Variants in ZNF540 observed in about 807,000 individuals in gnomAD.
The protein encoded by ZNF540 is zinc finger protein 540, also known as CTD-3064H18.6.
In ZNF540, 3 loss-of-function variants were observed where a neutral mutation model predicts 11.8. The observed-to-expected ratio is 0.25, with a 90% CI of 0.12 to 0.65. The LOEUF is 0.65. ZNF540 is among the 30% of genes least tolerant of loss of function. The probability of loss-of-function intolerance (pLI) is 0.83; values close to 1 mark genes in which losing one functional copy is unlikely to be tolerated. For missense variants in ZNF540, 709 were observed against 793.1 expected (o/e 0.89, Z 1.27); for synonymous variants, 247 against 259.0 (o/e 0.95, Z 0.45).
rs542552560 is a variant in ZNF540, at chr19:37,588,886, T to C, written c.-72-9490T>C. On this transcript the variant is annotated intron_variant, in intron 1 of 4. Transcript: ENST00000592533. ...CACATACCCAAATTAACTCCAAATA[T>C]ATAAGATATCTAAATATTAAAAAAT... Among the ~76,000 whole-genome samples, 203 of 152,192 alleles carry C rather than the reference T, an allele frequency of 1.3e-3. 1 individual carries two copies. The highest frequency in any genetic ancestry group is 2.2e-3 in the Non-Finnish European group (153 of 68,014).
Position 37,598,289 on chromosome 19 carries a change from A to T in ZNF540, c.-72-87A>T, listed in dbSNP as rs977192795. On this transcript the variant is annotated intron_variant, in intron 1 of 4. Transcript: ENST00000316433. ...GGGAGGTATTTGCAAGCAACAGTGGAAAATAAAAGATTATTAATTTATATC... is the reference window on the plus strand; with the variant it reads ...GGGAGGTATTTGCAAGCAACAGTGGTAAATAAAAGATTATTAATTTATATC... The T allele has an allele frequency of 1.2e-5, 8 of 692,566 alleles. No individual in the cohort carries two copies. In the Admixed American group the frequency reaches 1.7e-4, roughly 14 times the overall value. 42.9% of individuals were successfully genotyped at this position (692,566 alleles called of 1,614,324 possible).
chr19:37,590,664 AAG>A (rs1270327447), upstream of ZNF540, among the ~76,000 whole-genome samples: 19 of 152,158 alleles, frequency 1.2e-4, no homozygotes, highest in Non-Finnish European at 4.4e-5. Flanking sequence ...GCAAACAAAA[AAG>A]CAAAATGTTA....
intron 1 of ZNF540, among the ~76,000 whole-genome samples, chr19:37,579,304 G>A (rs2043360958): frequency 6.6e-6 from 1 of 152,154 alleles, no homozygotes; most frequent in Non-Finnish European, 1.5e-5. Flanking sequence ...GGGGGAACTG[G>A]GGAACTACTT....
chr19:37,607,083 ATTAGT>A (rs545024860), intron 4 of ZNF540, among the ~76,000 whole-genome samples: 215 of 152,118 alleles, frequency 1.4e-3, no homozygotes, highest in Middle Eastern at 6.8e-3. Flanking sequence ...GCAATATTTT[ATTAGT>A]TTAGATACTA....
chr19:37,589,437 CAA>C (rs2043799329), intron 1 of ZNF540, among the ~76,000 whole-genome samples: 1 of 150,782 alleles, frequency 6.6e-6, no homozygotes. Context: ...CGAGGGAAAA[CAA>C]GAGAAAGACA....
intron 4 of ZNF540, among the ~76,000 whole-genome samples, chr19:37,606,833 G>A (rs1041458404): frequency 1.3e-5 from 2 of 152,092 alleles, no homozygotes; most frequent in East Asian, 1.9e-4. Context: ...CCCAGATTGC[G>A]GTACATGGCA....
intron 4 of ZNF540, among the ~76,000 whole-genome samples, chr19:37,610,145 G>T (rs536024100): frequency 2.0e-5 from 3 of 152,244 alleles, no homozygotes; most frequent in Non-Finnish European, 4.4e-5. Context: ...CTGTAATAAG[G>T]TGAGAGAGAT....
At chr19:37,604,239 G>A (rs928628719) in intron 4 of ZNF540, among the ~76,000 whole-genome samples, 2 of 144,264 alleles carry the variant, frequency 1.4e-5, no homozygotes, top group Non-Finnish European at 3.0e-5. Context: ...TTTTATTCTG[G>A]AATATACAGG....
intron 4 of ZNF540, 192 bp downstream of exon 4, chr19:37,601,297 G>C (rs745354307): frequency 2.2e-6 from 1 of 456,496 alleles, no homozygotes; most frequent in Non-Finnish European, 3.9e-6. Context: ...CCTCATCTTG[G>C]CTCCTACTTA....
intron 1 of ZNF540, among the ~76,000 whole-genome samples, chr19:37,577,161 G>A (rs1157638434): frequency 6.6e-6 from 1 of 151,990 alleles, no homozygotes; most frequent in Non-Finnish European, 1.5e-5. Flanking sequence ...AGAACAGAGA[G>A]CTTAATTGAA....
chr19:37,564,274 T>A (rs149119853), intron 1 of ZNF540: 65 of 190,166 alleles, frequency 3.4e-4, no homozygotes, highest in African/African-American at 1.5e-3. Flanking sequence ...GGGAATTATA[T>A]GTATTTAATT....
chr19:37,595,566 G>C (rs1381290122), intron 1 of ZNF540: 1 of 152,134 alleles, frequency 6.6e-6, no homozygotes, highest in Non-Finnish European at 1.5e-5. Flanking sequence ...AAGTGTGTGA[G>C]CATAATATGG....
intron 1 of ZNF540, among the ~76,000 whole-genome samples, chr19:37,559,451 C>T (rs2147140205): frequency 1.3e-5 from 2 of 152,272 alleles, no homozygotes; most frequent in South Asian, 4.1e-4. Context: ...AACCTGAATA[C>T]TCAGCTTATG....
chr19:37,574,364 A>C (rs2043172581), intron 1 of ZNF540, among the ~76,000 whole-genome samples: 1 of 152,180 alleles, frequency 6.6e-6, no homozygotes, highest in Non-Finnish European at 1.5e-5. Context: ...TCAAATCAAC[A>C]AAAACAGCCC....
At chr19:37,568,297 T>C (rs2042932477) in intron 1 of ZNF540, among the ~76,000 whole-genome samples, 1 of 147,658 alleles carries the variant, frequency 6.8e-6, no homozygotes, top group Non-Finnish European at 1.5e-5. Context: ...CAAAAAGAAA[T>C]GATAAAAACA....
chr19:37,584,232 T>C, intron 1 of ZNF540: 1 of 1,156,174 alleles, frequency 8.6e-7, no homozygotes, highest in Non-Finnish European at 1.2e-6. Flanking sequence ...ACAGTAGTAT[T>C]AACCTGATTC....
chr19:37,605,216 T>C (rs778066268), intron 4 of ZNF540, among the ~76,000 whole-genome samples: 1 of 152,116 alleles, frequency 6.6e-6, no homozygotes, highest in Non-Finnish European at 1.5e-5. Context: ...ATCCCGGCAC[T>C]TTGGGAGGCT....
At position 37,613,481 on chromosome 19, in the gene ZNF540, A is replaced by G. The variant is rs916743336; in HGVS notation, c.*218A>G. ...TGGAAAAGTGTTCTAGCAACAGCAT[A>G]TACTTATCATCATTGCCTTTCCACT... On this transcript the variant is annotated 3_prime_UTR_variant, in exon 5 of 5. Coordinates refer to ENST00000316433, the MANE Select transcript of ZNF540 (RefSeq NM_001172225.3). 9.4e-6 allele frequency: 4 copies of G among 426,728 alleles called. No homozygotes were observed. The highest frequency in any genetic ancestry group is 1.6e-5 in the Non-Finnish European group (4 of 243,306). The allele number at this position is 426,728 out of a possible 1,614,324, so 26.4% of individuals were successfully genotyped here.
chr19:37,580,803 A>G (rs950792896), intron 1 of ZNF540, among the ~76,000 whole-genome samples: 18 of 152,214 alleles, frequency 1.2e-4, no homozygotes, highest in African/African-American at 4.3e-4. Flanking sequence ...CCTCACCAGA[A>G]GCCAAACAGA....
Sources: gnomAD v4.1 joint callset for allele counts (sites outside exome capture counted in the v4.1 genomes callset) on GRCh38, gnomAD v4.1.1 for gene constraint, MANE v1.5 for transcripts, NCBI Gene and HGNC (gene_info 2026-07-23, HGNC 2026-07-21) for gene names.